Variants in GPRC5B observed in about 807,000 individuals in gnomAD.
The protein encoded by GPRC5B is G protein-coupled receptor family C group 5 member B.
In GPRC5B, 16 loss-of-function variants were observed where a neutral mutation model predicts 30.1. The ratio of observed to expected loss-of-function variants is 0.53; its 90% CI spans 0.36 to 0.81. The LOEUF is 0.81. GPRC5B is among the 30% of genes least tolerant of loss of function. GPRC5B has a pLI of 0.01. For missense variants in GPRC5B, 428 were observed against 544.7 expected, an observed-to-expected ratio of 0.79 and a Z score of 2.13; for synonymous variants, 241 against 239.5, an observed-to-expected ratio of 1.01 and a Z score of -0.06.
At chr16:19,874,203 T>C (rs1396899960) in intron 1 of GPRC5B, among the ~76,000 whole-genome samples, 1 of 152,148 alleles carries the variant, frequency 6.6e-6, no homozygotes, top group African/African-American at 2.4e-5. Flanking sequence ...TGCAGAATTC[T>C]CCCTGCTGCC....
chr16:19,866,676 C>G (rs559014937), intron 2 of GPRC5B, among the ~76,000 whole-genome samples: 6 of 152,296 alleles, frequency 3.9e-5, no homozygotes, highest in Non-Finnish European at 8.8e-5. Flanking sequence ...GCCAGCGCAC[C>G]TGGCTATTAT....
chr16:19,878,855 C>T (rs1307373530), intron 1 of GPRC5B, among the ~76,000 whole-genome samples: 1 of 152,176 alleles, frequency 6.6e-6, no homozygotes, highest in Non-Finnish European at 1.5e-5. Flanking sequence ...AAGTTTGGTT[C>T]TCGGGCTGGC....
In GPRC5B at chr16:19,872,305, G is replaced by C; in HGVS notation, c.541C>G (p.Leu181Val). 6.2e-7 allele frequency: 1 copy of C among 1,614,086 alleles called. No homozygotes were observed. ...LVQVIIAVEW[L>V]VLTVLRDTRP... Reference sequence around the variant, plus strand: ...GTGTCACGCAGCACGGTGAGCACCAGCCACTCCACAGCGATGATGACTTGC... The same window carrying C: ...GTGTCACGCAGCACGGTGAGCACCACCCACTCCACAGCGATGATGACTTGC... The change falls in exon 2 of 4, where the codon CTG becomes GTG. Residue 181 changes from leucine to valine, a missense_variant. Transcript: ENST00000300571. This position sits in a 1 kb window ranked among gnomAD's most constrained non-coding sequence, Gnocchi z 5.0.
rs2056718168 is a variant in GPRC5B, at chr16:19,871,365, T to C, written c.1030+451A>G. ...TGCTGGGCGTGGTGGCTCACTCCTG[T>C]AATCCCAGCACTTTGGGAGGCCGAG... On this transcript the variant is annotated intron_variant, in intron 2 of 3. Transcript: ENST00000300571. Among the ~76,000 whole-genome samples the C allele has an allele frequency of 2.0e-5, 3 of 151,108 alleles. No individual in the cohort carries two copies. The South Asian group carries it at 6.3e-4, about 32-fold the overall frequency.
At chr16:19,883,677 C>T (rs1044557982) in intron 1 of GPRC5B, among the ~76,000 whole-genome samples, 4 of 152,216 alleles carry the variant, frequency 2.6e-5, no homozygotes, top group African/African-American at 9.6e-5. Flanking sequence ...GGGCCCCAGG[C>T]GGGGACGCCG....
At chr16:19,869,594 G>T (rs1220986558) in intron 2 of GPRC5B, among the ~76,000 whole-genome samples, 1 of 151,980 alleles carries the variant, frequency 6.6e-6, no homozygotes. Context: ...CCCTAGGTAG[G>T]TCCTATTGGG....
intron 3 of GPRC5B, among the ~76,000 whole-genome samples, chr16:19,861,087 T>TTAAAAAA (rs569493402): frequency 2.1e-4 from 20 of 93,370 alleles, no homozygotes; most frequent in East Asian, 2.1e-3. Flanking sequence ...CTGATTTACA[T>TTAAAAAA]AAAAAAAAAA....
chr16:19,875,025 G>A (rs2056750397), intron 1 of GPRC5B, among the ~76,000 whole-genome samples: 1 of 152,012 alleles, frequency 6.6e-6, no homozygotes, highest in African/African-American at 2.4e-5. Flanking sequence ...TGCTCTCCCC[G>A]GGCTCCAGTA....
chr16:19,872,076 C>A lies in GPRC5B; in HGVS notation c.770G>T (p.Gly257Val). 2 of 1,613,994 alleles carry A rather than the reference C, an allele frequency of 1.2e-6. No individual in the cohort carries two copies. Among genetic ancestry groups the A allele is most frequent in the South Asian group, 2.2e-5 (2 of 91,072 alleles). Reference protein sequence around the residue: ...WVAWMTMYLFGNVKLQQGDAW... With the variant: ...WVAWMTMYLFVNVKLQQGDAW... ...ATCCCCCTGCTGCAGCTTGACATTG[C>A]CGAAGAGGTACATGGTCATCCAGGC... The change falls in exon 2 of 4, where the codon GGC becomes GTC. Residue 257 changes from glycine to valine, a missense_variant. Physicochemically the swap from Gly to Val is moderately radical, Grantham distance 109. This residue lies in a region of GPRC5B where 213 missense variants were observed against 229.1 expected (regional missense o/e 0.93). Transcript: ENST00000300571. This position sits in a 1 kb window ranked among gnomAD's most constrained non-coding sequence, Gnocchi z 5.0.
chr16:19,863,464 T>C (rs1335745075), intron 2 of GPRC5B, among the ~76,000 whole-genome samples: 4 of 151,228 alleles, frequency 2.6e-5, no homozygotes, highest in Admixed American at 1.3e-4. Flanking sequence ...ACAGTCAGCA[T>C]TGGGACCCAG....
At chr16:19,866,383 G>A (rs1334932539) in intron 2 of GPRC5B, among the ~76,000 whole-genome samples, 1 of 151,690 alleles carries the variant, frequency 6.6e-6, no homozygotes, top group Non-Finnish European at 1.5e-5. Context: ...TTGAGATAAG[G>A]TCTCCCTTTG....
At chr16:19,866,111 T>TACA (rs1760888174) in intron 2 of GPRC5B, among the ~76,000 whole-genome samples, 1 of 152,014 alleles carries the variant, frequency 6.6e-6, no homozygotes, top group African/African-American at 2.4e-5. Flanking sequence ...GTACTTCTAG[T>TACA]AGAGACGGGG....
At chr16:19,876,796 C>T (rs1464765839) in intron 1 of GPRC5B, among the ~76,000 whole-genome samples, 5 of 152,218 alleles carry the variant, frequency 3.3e-5, no homozygotes, top group South Asian at 2.1e-4. Context: ...TCTGCTCTTC[C>T]GGGACAGCTG....
At position 19,872,657 on chromosome 16, in the gene GPRC5B, G is replaced by C. The variant is rs374426082; in HGVS notation, c.189C>G (p.Ala63=). ...GCAGTGTGATCAGGGCGCCCGCCCC[G>C]GCCACCGCCTCCACCACAATGCCCC... ...AIWGIVVEAV[A]GAGALITLLL... The change falls in exon 2 of 4, where the codon GCC becomes GCG. Residue 63 remains alanine (A), a synonymous_variant. Coordinates refer to ENST00000300571, the MANE Select transcript of GPRC5B (RefSeq NM_016235.3). This position sits in a 1 kb window ranked among gnomAD's most constrained non-coding sequence, Gnocchi z 5.0. 1 of 1,614,052 alleles carries C rather than the reference G, an allele frequency of 6.2e-7. No individual in the cohort carries two copies. Among genetic ancestry groups the C allele is most frequent in the South Asian group, 1.1e-5 (1 of 91,080 alleles).
rs569493402 is a variant in GPRC5B, at chr16:19,861,087, T to TTAA, written c.1168-544_1168-543insTTA. 1.8e-4 allele frequency among the ~76,000 whole-genome samples: 17 copies of TTAA among 93,386 alleles called. 1 individual carries two copies. Among genetic ancestry groups the TTAA allele is most frequent in the East Asian group, 1.7e-3 (4 of 2,408 alleles). The allele number at this position is 93,386 out of a possible 152,430, so 61.3% of individuals were successfully genotyped here. On this transcript the variant is annotated intron_variant, in intron 3 of 3. Coordinates refer to ENST00000300571, the MANE Select transcript of GPRC5B (RefSeq NM_016235.3). ...GATCAAAGACCATCCCTGATTTACA[T>TTAA]AAAAAAAAAAAAAAAAAGAAGAATG...
chr16:19,878,252 T>C (rs1439586169), intron 1 of GPRC5B, among the ~76,000 whole-genome samples: 2 of 151,360 alleles, frequency 1.3e-5, no homozygotes, highest in Admixed American at 6.6e-5. Context: ...ATTCTCCCTG[T>C]CCTTGTCAAT....
intron 2 of GPRC5B, among the ~76,000 whole-genome samples, chr16:19,867,528 C>T (rs1479204481): frequency 2.0e-5 from 3 of 152,210 alleles, no homozygotes; most frequent in Non-Finnish European, 1.5e-5. Context: ...GCTCTGGCAT[C>T]GTGGTTTTAC....
chr16:19,864,144 C>T (rs2056648903), intron 2 of GPRC5B, among the ~76,000 whole-genome samples: 2 of 152,218 alleles, frequency 1.3e-5, no homozygotes, highest in African/African-American at 4.8e-5. Context: ...AAGAGGTCCC[C>T]TTAGGAATCA....
Position 19,858,751 on chromosome 16 carries a change from C to T in GPRC5B, c.*1749G>A, listed in dbSNP as rs1038606106. ...TGGAACGGGATTCTCTAGAAGCAAG[C>T]ACATGCTCTGGGCAGAGGCGGGGTG... is the stretch of plus-strand genomic sequence containing the variant. On this transcript the variant is annotated 3_prime_UTR_variant, in exon 4 of 4. Transcript: ENST00000300571. The T allele has an allele frequency of 2.6e-5, 11 of 430,840 alleles. No homozygotes were observed. In the Admixed American group the frequency reaches 4.1e-4, roughly 16 times the overall value. 26.7% of individuals were successfully genotyped at this position (430,840 alleles called of 1,614,324 possible).
Sources: allele counts gnomAD v4.1 joint callset (sites outside exome capture counted in the v4.1 genomes callset), GRCh38; gene constraint gnomAD v4.1.1; regional missense constraint gnomAD v4.1.1; non-coding constraint Gnocchi (gnomAD v3.1); transcripts MANE v1.5; gene names NCBI Gene and HGNC (gene_info 2026-07-23, HGNC 2026-07-21).